The following WBP2NL variants were observed in gnomAD, a reference collection of about 807,000 sequenced individuals.
WBP2NL encodes WBP2 N-terminal like.
A neutral mutation model predicts 23.3 loss-of-function variants in WBP2NL; 27 were observed. The observed-to-expected ratio is 1.16, with a 90% CI of 0.85 to 1.60. WBP2NL has a LOEUF of 1.60. WBP2NL is among the 40% of genes most tolerant of loss of function. WBP2NL has a pLI of 0.00. For missense variants in WBP2NL, 370 were observed against 389.5 expected, an observed-to-expected ratio of 0.95 and a Z score of 0.42; for synonymous variants, 151 against 145.9, an observed-to-expected ratio of 1.03 and a Z score of -0.25.
Position 42,028,306 on chromosome 22 carries a change from T to C in WBP2NL, c.*1125T>C, listed in dbSNP as rs144702104. The C allele has an allele frequency of 2.7e-6, 1 of 372,436 alleles. No homozygotes were observed. The highest frequency in any genetic ancestry group is 2.1e-5 in the African/African-American group (1 of 48,288). The allele number at this position is 372,436 out of a possible 1,614,324, so 23.1% of individuals were successfully genotyped here. On this transcript the variant is annotated 3_prime_UTR_variant, in exon 6 of 6. Transcript: ENST00000328823. ...TGAATGCCCCATTTTATAACAAATA[T>C]TTATATTTTATAACAAACGTTTATA...
At chr22:42,007,037 G>T (rs898857159) in intron 1 of WBP2NL, among the ~76,000 whole-genome samples, 15 of 152,162 alleles carry the variant, frequency 9.9e-5, no homozygotes, top group African/African-American at 3.6e-4. Context: ...ATGTCCTTCT[G>T]TACTTTTCCA....
intron 1 of WBP2NL, among the ~76,000 whole-genome samples, chr22:42,005,722 G>T (rs1922167652): frequency 6.6e-6 from 1 of 152,226 alleles, no homozygotes; most frequent in Admixed American, 6.5e-5. Context: ...GGAGCCAAAA[G>T]TGTAGTGCCC....
intron 1 of WBP2NL, among the ~76,000 whole-genome samples, chr22:42,012,094 C>G (rs1922876014): frequency 6.6e-6 from 1 of 152,130 alleles, no homozygotes; most frequent in Non-Finnish European, 1.5e-5. Context: ...TTTTAATATC[C>G]TCTTTTTCAT....
At chr22:42,014,082 G>A (rs901470030) in intron 1 of WBP2NL, among the ~76,000 whole-genome samples, 4 of 150,230 alleles carry the variant, frequency 2.7e-5, no homozygotes, top group African/African-American at 4.9e-5. Flanking sequence ...GCACCCCACC[G>A]GCAAATTTTT....
Position 42,039,376 on chromosome 22 carries a change from A to T in WBP2NL, c.*273+8553A>T, listed in dbSNP as rs866669826. 1.4e-4 allele frequency among the ~76,000 whole-genome samples: 19 copies of T among 135,206 alleles called. No individual in the cohort carries two copies. The Middle Eastern group carries it at 0.02, about 140-fold the overall frequency. 88.7% of individuals were successfully genotyped at this position (135,206 alleles called of 152,430 possible). ...CAGGCTTTTTTTTTTTTTTTCCAGTATCAGTGAGGTCTTCCTGTGTTGCCT... is the reference window on the plus strand; with the variant it reads ...CAGGCTTTTTTTTTTTTTTTCCAGTTTCAGTGAGGTCTTCCTGTGTTGCCT... On this transcript the variant is annotated intron_variant and NMD_transcript_variant, in intron 8 of 8. Coordinates refer to the WBP2NL transcript ENST00000436265.
chr22:42,045,020 G>T (rs1016478733), intron 8 of WBP2NL, among the ~76,000 whole-genome samples: 2 of 151,526 alleles, frequency 1.3e-5, no homozygotes, highest in African/African-American at 4.8e-5. Context: ...AAGAGAGATG[G>T]GCATCTCACT....
At chr22:42,000,051 G>C (rs2146746152) in intron 1 of WBP2NL, among the ~76,000 whole-genome samples, 1 of 152,154 alleles carries the variant, frequency 6.6e-6, no homozygotes, top group South Asian at 2.1e-4. Flanking sequence ...TCTAAATTGC[G>C]CTCCTTTCTG....
downstream of WBP2NL, chr22:42,032,752 T>C (rs1201516582): frequency 2.1e-6 from 1 of 470,756 alleles, no homozygotes; most frequent in Admixed American, 2.4e-5. Context: ...GAATAAACTT[T>C]CTTTGAAGCT....
intron 5 of WBP2NL, among the ~76,000 whole-genome samples, chr22:42,025,426 G>A (rs1924389828): frequency 6.6e-6 from 1 of 152,178 alleles, no homozygotes; most frequent in Non-Finnish European, 1.5e-5. Flanking sequence ...ATGTGGCCCA[G>A]GGAAGCCAAA....
intron 1 of WBP2NL, among the ~76,000 whole-genome samples, chr22:42,005,076 G>A (rs2087922784): frequency 1.3e-5 from 2 of 151,834 alleles, no homozygotes; most frequent in African/African-American, 4.8e-5. Flanking sequence ...AATTAGCCAG[G>A]CGTGGTGGTG....
chr22:42,016,070 C>T (rs1016078176), intron 1 of WBP2NL, among the ~76,000 whole-genome samples: 2 of 152,034 alleles, frequency 1.3e-5, no homozygotes, highest in African/African-American at 4.8e-5. Flanking sequence ...CAAACTCTGC[C>T]TCCCGGGTTC....
chr22:42,022,175 A>C lies in WBP2NL; in HGVS notation c.407-74A>C. On this transcript the variant is annotated intron_variant, in intron 4 of 5. Coordinates refer to ENST00000328823, the MANE Select transcript of WBP2NL (RefSeq NM_152613.3). ...AAGGTGGTGATTAAATACTCTGTTA[A>C]TTGTTTAGTTGATATCTGCTATATA... 3.4e-6 allele frequency: 4 copies of C among 1,183,190 alleles called. No homozygotes were observed. The Middle Eastern group carries it at 7.7e-4, about 227-fold the overall frequency. The allele number at this position is 1,183,190 out of a possible 1,614,324, so 73.3% of individuals were successfully genotyped here.
At chr22:42,018,988 T>C (rs1237970423) in intron 1 of WBP2NL, among the ~76,000 whole-genome samples, 1 of 150,998 alleles carries the variant, frequency 6.6e-6, no homozygotes, top group Non-Finnish European at 1.5e-5. Flanking sequence ...TTTGGGAGGC[T>C]GAGGCGGGCG....
chr22:42,048,007 T>C (rs1451219240), intron 8 of WBP2NL, among the ~76,000 whole-genome samples: 2 of 152,090 alleles, frequency 1.3e-5, no homozygotes, highest in African/African-American at 4.8e-5. Context: ...CAAAACAAAA[T>C]ATTAATAAAC....
intron 3 of WBP2NL, 55 bp from the exon 4 acceptor site, chr22:42,019,949 T>G: frequency 6.2e-7 from 1 of 1,600,752 alleles, no homozygotes; most frequent in South Asian, 1.1e-5. Context: ...GTGGCAGTCT[T>G]TCTGTTGTCA....
intron 8 of WBP2NL, among the ~76,000 whole-genome samples, chr22:42,050,670 AACT>A (rs1925807670): frequency 6.6e-6 from 1 of 151,920 alleles, no homozygotes; most frequent in African/African-American, 2.4e-5. Flanking sequence ...CAAAAAAAAA[AACT>A]AATTAAAAAA....
At chr22:42,015,939 G>A (rs1923268044) in intron 1 of WBP2NL, among the ~76,000 whole-genome samples, 1 of 151,948 alleles carries the variant, frequency 6.6e-6, no homozygotes, top group South Asian at 2.1e-4. Flanking sequence ...TGCCCCAGTT[G>A]TCATCCCTTT....
At chr22:42,021,365 T>A (rs1050313531) in intron 4 of WBP2NL, among the ~76,000 whole-genome samples, 5 of 152,134 alleles carry the variant, frequency 3.3e-5, no homozygotes, top group Admixed American at 1.3e-4. Context: ...TAGGCAAAAC[T>A]CAGTGTGGTA....
intron 1 of WBP2NL, among the ~76,000 whole-genome samples, chr22:42,008,088 C>CTTTCCTTTCCTTTCCTTTCCTTTCCT: frequency 8.1e-6 from 1 of 123,892 alleles, no homozygotes; most frequent in East Asian, 3.5e-4. Context: ...CTCTTCTCCT[C>CTTTCCTTTCCTTTCCTTTCCTTTCCT]TTCCTTTCCT....
Sources: allele counts gnomAD v4.1 joint callset (sites outside exome capture counted in the v4.1 genomes callset), GRCh38; gene constraint gnomAD v4.1.1; transcripts MANE v1.5; gene names NCBI Gene and HGNC (gene_info 2026-07-23, HGNC 2026-07-21).